Variants in GRAMD1C observed in about 807,000 individuals in gnomAD.
GRAMD1C encodes the protein GRAM domain containing 1C, also known as protein Aster-C.
GRAMD1C carries 89 observed loss-of-function variants against 97.8 expected under a neutral mutation model. That is an observed-to-expected ratio of 0.91 (90% CI 0.77 to 1.09). The LOEUF (loss-of-function observed/expected upper bound fraction) is 1.09, where lower values mean the gene tolerates loss of function less well. Among genes scored for constraint, GRAMD1C ranks in the 50% least tolerant of loss-of-function variants. The pLI is 0.00. For synonymous variants in GRAMD1C, 256 were observed against 267.0 expected (o/e 0.96, Z 0.40); for missense variants, 740 against 766.4 (o/e 0.97, Z 0.41).
At chr3:113,900,616 C>T (rs1385145981) in intron 6 of GRAMD1C, among the ~76,000 whole-genome samples, 7 of 149,886 alleles carry the variant, frequency 4.7e-5, no homozygotes, top group Non-Finnish European at 8.9e-5. Flanking sequence ...TTAGTGGAGA[C>T]CAGGTTTCAC....
chr3:113,893,996 A>T (rs972325615), intron 6 of GRAMD1C, among the ~76,000 whole-genome samples: 1 of 152,154 alleles, frequency 6.6e-6, no homozygotes. Context: ...ATTTAATTCA[A>T]TTTCTTTAAC....
At chr3:113,870,297 G>C (rs1442823981) in intron 3 of GRAMD1C, among the ~76,000 whole-genome samples, 2 of 152,016 alleles carry the variant, frequency 1.3e-5, no homozygotes, top group South Asian at 2.1e-4. Flanking sequence ...AGGAATTGGA[G>C]ACTGCAGTGA....
upstream of GRAMD1C, among the ~76,000 whole-genome samples, chr3:113,837,124 CTT>C (rs1709645129): frequency 6.6e-6 from 1 of 151,178 alleles, no homozygotes. Flanking sequence ...CTCTCTCTCT[CTT>C]TCTTTCTCTC....
intron 6 of GRAMD1C, among the ~76,000 whole-genome samples, chr3:113,884,882 C>T (rs1935394939): frequency 6.7e-6 from 1 of 149,338 alleles, no homozygotes; most frequent in Non-Finnish European, 1.5e-5. Flanking sequence ...CGCAGCGGAC[C>T]ACTCTCCGCT....
At chr3:113,833,360 A>G (rs923775981) in intron 1 of GRAMD1C, among the ~76,000 whole-genome samples, 13 of 151,360 alleles carry the variant, frequency 8.6e-5, no homozygotes, top group Non-Finnish European at 1.5e-4. Flanking sequence ...CTGGTCTCGA[A>G]CTCCCAACCT....
At chr3:113,911,173 G>GACACACACACACACACACACAC (rs60151773) in intron 9 of GRAMD1C, among the ~76,000 whole-genome samples, 16,778 of 147,360 alleles carry the variant, frequency 0.11, 1,200 homozygotes, top group South Asian at 0.17. Flanking sequence ...CAGAGAGAGA[G>GACACACACACACACACACACAC]ACACACACAC....
chr3:113,843,215 T>C (rs1451366566), intron 1 of GRAMD1C, among the ~76,000 whole-genome samples: 2 of 151,824 alleles, frequency 1.3e-5, no homozygotes, highest in Non-Finnish European at 2.9e-5. Flanking sequence ...ACTGGGACAA[T>C]AGGCGCATGC....
intron 6 of GRAMD1C, among the ~76,000 whole-genome samples, chr3:113,884,103 T>C (rs1447353160): frequency 6.6e-6 from 1 of 152,134 alleles, no homozygotes; most frequent in East Asian, 1.9e-4. Context: ...CACTATAGAC[T>C]AACTAAAAGA....
At chr3:113,874,864 A>G (rs1044218002) in intron 3 of GRAMD1C, among the ~76,000 whole-genome samples, 6 of 152,216 alleles carry the variant, frequency 3.9e-5, no homozygotes, top group African/African-American at 1.2e-4. Flanking sequence ...CTGATTTATC[A>G]TAATTCATTC....
chr3:113,831,539 G>A (rs889105922), intron 1 of GRAMD1C, among the ~76,000 whole-genome samples: 15 of 151,696 alleles, frequency 9.9e-5, no homozygotes, highest in African/African-American at 3.6e-4. Context: ...CTTCTCTCCT[G>A]GAATTCCCAT....
At chr3:113,906,136 A>T (rs1936364309) in intron 8 of GRAMD1C, among the ~76,000 whole-genome samples, 1 of 152,248 alleles carries the variant, frequency 6.6e-6, no homozygotes, top group Non-Finnish European at 1.5e-5. Context: ...CTATAAAGGT[A>T]TAGCACAAAC....
At chr3:113,850,683 T>G (rs1933857183) in intron 2 of GRAMD1C, 8 of 1,592,546 alleles carry the variant, frequency 5.0e-6, no homozygotes, top group Admixed American at 3.4e-5. Flanking sequence ...ACTCCCTCCT[T>G]AAAAAGGAGT....
At chr3:113,884,337 A>G (rs1935368747) in intron 6 of GRAMD1C, among the ~76,000 whole-genome samples, 1 of 152,214 alleles carries the variant, frequency 6.6e-6, no homozygotes, top group Admixed American at 6.5e-5. Flanking sequence ...TGGAAATTAA[A>G]CAGAATACTT....
At chr3:113,884,096 T>G (rs566510890) in intron 6 of GRAMD1C, among the ~76,000 whole-genome samples, 48 of 152,202 alleles carry the variant, frequency 3.2e-4, no homozygotes, top group Non-Finnish European at 4.7e-4. Flanking sequence ...TGAACACCAC[T>G]ATAGACTAAC....
chr3:113,885,786 C>T (rs1003707075), intron 6 of GRAMD1C: 2 of 1,606,184 alleles, frequency 1.2e-6, no homozygotes, highest in Non-Finnish European at 1.7e-6. Flanking sequence ...CTGCACTTTG[C>T]AGTTGAGCAG....
At chr3:113,930,150 C>A (rs1376270078) in intron 10 of GRAMD1C, among the ~76,000 whole-genome samples, 1 of 152,106 alleles carries the variant, frequency 6.6e-6, no homozygotes, top group Non-Finnish European at 1.5e-5. Flanking sequence ...GAGATATGAT[C>A]TTATAGTCTT....
intron 3 of GRAMD1C, among the ~76,000 whole-genome samples, chr3:113,874,497 C>T (rs1934951812): frequency 2.0e-5 from 3 of 151,932 alleles, no homozygotes; most frequent in South Asian, 4.2e-4. Flanking sequence ...TACAGGTGCC[C>T]ACTACCATTG....
intron 7 of GRAMD1C, among the ~76,000 whole-genome samples, chr3:113,901,626 A>G (rs780397322): frequency 2.0e-5 from 3 of 152,216 alleles, no homozygotes; most frequent in Non-Finnish European, 4.4e-5. Context: ...TACAAGGTCG[A>G]TAATGGTAAG....
chr3:113,847,745 G>T (rs1933677213), intron 2 of GRAMD1C, among the ~76,000 whole-genome samples: 1 of 152,186 alleles, frequency 6.6e-6, no homozygotes, highest in African/African-American at 2.4e-5. Context: ...GGGCTCAGGA[G>T]GCCTGAGAAA....
Sources: allele counts gnomAD v4.1 joint callset (sites outside exome capture counted in the v4.1 genomes callset), GRCh38; gene constraint gnomAD v4.1.1; transcripts MANE v1.5; gene names NCBI Gene and HGNC (gene_info 2026-07-23, HGNC 2026-07-21).